SHISA6: variants seen among roughly 807,000 people sequenced by gnomAD.
SHISA6 encodes the protein protein shisa-6.
Under a neutral mutation model 47.9 loss-of-function variants are expected in SHISA6, and 22 were observed. The ratio of observed to expected loss-of-function variants is 0.46; its 90% CI spans 0.33 to 0.66. The LOEUF is 0.66. Ranked by LOEUF, SHISA6 falls within the 30% of genes least tolerant of loss-of-function variation. SHISA6 has a pLI of 0.02. For synonymous variants in SHISA6, 388 were observed against 337.8 expected (o/e 1.15, Z -1.63); for missense variants, 680 against 764.6 (o/e 0.89, Z 1.30).
At chr17:11,363,574 G>A (rs1912356306) in intron 2 of SHISA6, among the ~76,000 whole-genome samples, 1 of 152,142 alleles carries the variant, frequency 6.6e-6, no homozygotes, top group Admixed American at 6.6e-5. Context: ...AAGAACAGTT[G>A]CCTTCCTCTT....
At chr17:11,538,649 G>A (rs1033385385) in intron 3 of SHISA6, among the ~76,000 whole-genome samples, 1 of 152,208 alleles carries the variant, frequency 6.6e-6, no homozygotes, top group Admixed American at 6.5e-5. Flanking sequence ...CCTAGAGCCT[G>A]TGTCGAATCT....
intron 3 of SHISA6, among the ~76,000 whole-genome samples, chr17:11,496,604 T>C (rs2071410889): frequency 1.3e-5 from 2 of 152,230 alleles, no homozygotes; most frequent in African/African-American, 2.4e-5. Context: ...CTGGGCCTGG[T>C]GGCAGGCGCC....
chr17:11,541,163 G>A (rs867322381), intron 3 of SHISA6, among the ~76,000 whole-genome samples: 2 of 152,232 alleles, frequency 1.3e-5, no homozygotes, highest in South Asian at 4.1e-4. Flanking sequence ...TTAGGTAGAG[G>A]CCCAGTACAG....
chr17:11,402,128 G>A (rs751855506), intron 3 of SHISA6, among the ~76,000 whole-genome samples: 1 of 152,100 alleles, frequency 6.6e-6, no homozygotes, highest in Non-Finnish European at 1.5e-5. Flanking sequence ...CTCTGAAGGG[G>A]CTTCCTTGTC....
intron 2 of SHISA6, among the ~76,000 whole-genome samples, chr17:11,310,893 G>A (rs920586523): frequency 6.6e-6 from 1 of 151,992 alleles, no homozygotes; most frequent in African/African-American, 2.4e-5. Flanking sequence ...CGCATCACAA[G>A]GTCAGGAGAT....
At chr17:11,539,618 G>A (rs1263407741) in intron 3 of SHISA6, among the ~76,000 whole-genome samples, 5 of 152,214 alleles carry the variant, frequency 3.3e-5, no homozygotes, top group Admixed American at 3.3e-4. Flanking sequence ...TGCATGTGCT[G>A]CTTCTAGGAG....
intron 2 of SHISA6, among the ~76,000 whole-genome samples, chr17:11,324,759 T>A (rs1910818800): frequency 6.6e-6 from 1 of 152,128 alleles, no homozygotes; most frequent in African/African-American, 2.4e-5. Flanking sequence ...TAGATTTACT[T>A]TAAAATCTCA....
At chr17:11,401,579 A>G (rs1403194865) in intron 3 of SHISA6, among the ~76,000 whole-genome samples, 2 of 152,198 alleles carry the variant, frequency 1.3e-5, no homozygotes, top group East Asian at 1.9e-4. Context: ...CTTAGACCCA[A>G]CTTCATGTAA....
At chr17:11,270,068 C>T (rs1181557583) in intron 2 of SHISA6, among the ~76,000 whole-genome samples, 2 of 152,106 alleles carry the variant, frequency 1.3e-5, no homozygotes, top group Admixed American at 6.5e-5. Context: ...CTCCACCTCC[C>T]GGGTTCAAGA....
intron 2 of SHISA6, among the ~76,000 whole-genome samples, chr17:11,267,702 T>C (rs1032933296): frequency 2.0e-5 from 3 of 152,132 alleles, no homozygotes; most frequent in Non-Finnish European, 2.9e-5. Context: ...CACATCAAGA[T>C]CTGCAAGATG....
chr17:11,444,204 C>T (rs1379186837), intron 3 of SHISA6, among the ~76,000 whole-genome samples: 2 of 152,016 alleles, frequency 1.3e-5, no homozygotes, highest in East Asian at 3.9e-4. Context: ...CTGTAGTCCC[C>T]ACTACTCAGG....
At chr17:11,303,403 TTGTGTC>T (rs1269658124) in intron 2 of SHISA6, among the ~76,000 whole-genome samples, 1 of 151,688 alleles carries the variant, frequency 6.6e-6, no homozygotes, top group African/African-American at 2.4e-5. Context: ...GTGTGTGTGA[TTGTGTC>T]TGGTTGTGAG....
chr17:11,447,668 A>C (rs920258912), intron 3 of SHISA6, among the ~76,000 whole-genome samples: 3 of 152,350 alleles, frequency 2.0e-5, no homozygotes, highest in Non-Finnish European at 2.9e-5. Context: ...GATTTGACAG[A>C]TTCCTGCTTT....
chr17:11,360,956 T>C (rs1308720982), intron 2 of SHISA6, among the ~76,000 whole-genome samples: 1 of 132,884 alleles, frequency 7.5e-6, no homozygotes, highest in Non-Finnish European at 1.6e-5. Flanking sequence ...CAGTACTCCT[T>C]TTTCTCTTTG....
rs1022612428 is a variant in SHISA6 at position 11,493,683 on chromosome 17, G to A, written c.896-58213G>A. 2.6e-5 allele frequency among the ~76,000 whole-genome samples: 4 copies of A among 152,296 alleles called. No homozygotes were observed. In the Middle Eastern group the frequency reaches 0.01, roughly 389 times the overall value. On this transcript the variant is annotated intron_variant, in intron 3 of 5. Coordinates refer to ENST00000441885, the MANE Select transcript of SHISA6 (RefSeq NM_207386.4). The stretch of plus-strand genomic sequence containing the variant: ...AGGCCCAAGGGGTACCGTATACAAG[G>A]CATCAAAGAACGAGAGCCATTTGGG...
At chr17:11,257,368 T>G (rs1908051788) in intron 1 of SHISA6, among the ~76,000 whole-genome samples, 1 of 152,088 alleles carries the variant, frequency 6.6e-6, no homozygotes, top group Admixed American at 6.6e-5. Flanking sequence ...CATTATCAAG[T>G]AAAAGCACAG....
At chr17:11,292,631 G>A (rs1259016082) in intron 2 of SHISA6, among the ~76,000 whole-genome samples, 2 of 151,784 alleles carry the variant, frequency 1.3e-5, no homozygotes, top group African/African-American at 2.4e-5. Context: ...ATTGAGCAAC[G>A]GTCCTGAAAT....
intron 3 of SHISA6, among the ~76,000 whole-genome samples, chr17:11,505,535 G>C (rs1387348243): frequency 6.6e-6 from 1 of 152,136 alleles, no homozygotes; most frequent in Non-Finnish European, 1.5e-5. Context: ...TGAAAACACT[G>C]TTCTGGGAAC....
rs60619087 is a variant in SHISA6 at position 11,549,100 on chromosome 17, T to C, written c.896-2796T>C. On this transcript the variant is annotated intron_variant, in intron 3 of 5. Coordinates refer to ENST00000441885, the MANE Select transcript of SHISA6 (RefSeq NM_207386.4). ...GATTAAATCATGCTATTTTAATTCA[T>C]TTTAAAAACTACAGTCTGTACAAAA... Among the ~76,000 whole-genome samples, 660 of 152,318 alleles carry C rather than the reference T, an allele frequency of 4.3e-3. 3 individuals carry two copies. The highest frequency in any genetic ancestry group is 0.015 in the African/African-American group (625 of 41,576).
Sources: allele counts gnomAD v4.1 joint callset (sites outside exome capture counted in the v4.1 genomes callset), GRCh38; gene constraint gnomAD v4.1.1; transcripts MANE v1.5; gene names NCBI Gene and HGNC (gene_info 2026-07-23, HGNC 2026-07-21).